Variants in PLPPR1 observed in about 807,000 individuals in gnomAD.
PLPPR1 encodes the protein phospholipid phosphatase related 1, also known as phospholipid phosphatase-related protein type 1.
Under a neutral mutation model 33.1 loss-of-function variants are expected in PLPPR1, and 10 were observed. The ratio of observed to expected loss-of-function variants is 0.30; its 90% CI spans 0.19 to 0.51. The LOEUF (loss-of-function observed/expected upper bound fraction) is 0.51. Among genes scored for constraint, PLPPR1 ranks in the 20% least tolerant of loss-of-function variants. The pLI, the probability that PLPPR1 is intolerant of heterozygous loss-of-function variation, is 0.97. For missense variants in PLPPR1, 304 were observed against 408.1 expected, an observed-to-expected ratio of 0.74 and a Z score of 2.20; for synonymous variants, 151 against 151.0, an observed-to-expected ratio of 1.00 and a Z score of 0.00.
intron 1 of PLPPR1, among the ~76,000 whole-genome samples, chr9:101,153,084 G>A (rs1831615927): frequency 6.6e-6 from 1 of 152,134 alleles, no homozygotes; most frequent in African/African-American, 2.4e-5. Flanking sequence ...TTGAGCAGTG[G>A]TTTGTAGTTC....
intron 2 of PLPPR1, among the ~76,000 whole-genome samples, chr9:101,216,898 A>C (rs1435987903): frequency 6.6e-6 from 1 of 152,222 alleles, no homozygotes; most frequent in East Asian, 1.9e-4. Context: ...CCACTGAGCT[A>C]AAGAACAAAA....
At chr9:101,262,417 A>T (rs1395536157) in intron 2 of PLPPR1, among the ~76,000 whole-genome samples, 2 of 152,144 alleles carry the variant, frequency 1.3e-5, no homozygotes, top group South Asian at 2.1e-4. Flanking sequence ...TCTATTTCAG[A>T]GTCTTGTTTT....
At chr9:101,259,465 C>A (rs1057296855) in intron 2 of PLPPR1, among the ~76,000 whole-genome samples, 3 of 152,108 alleles carry the variant, frequency 2.0e-5, no homozygotes, top group Non-Finnish European at 2.9e-5. Flanking sequence ...CATAAACAAC[C>A]ATATAGCTTG....
chr9:101,303,611 A>G (rs529515857), intron 4 of PLPPR1, among the ~76,000 whole-genome samples: 1 of 152,210 alleles, frequency 6.6e-6, no homozygotes, highest in East Asian at 1.9e-4. Flanking sequence ...ACAATTTTTG[A>G]TAAGAGATTG....
At chr9:101,185,825 T>C (rs1826193958) in intron 2 of PLPPR1, among the ~76,000 whole-genome samples, 1 of 151,866 alleles carries the variant, frequency 6.6e-6, no homozygotes, top group Non-Finnish European at 1.5e-5. Context: ...TGTGTTTTAT[T>C]ATATTTCTTC....
intron 2 of PLPPR1, among the ~76,000 whole-genome samples, chr9:101,253,352 A>T (rs772282086): frequency 2.0e-5 from 3 of 152,052 alleles, no homozygotes; most frequent in Non-Finnish European, 4.4e-5. Flanking sequence ...GTTCAAGACC[A>T]ACCTGGCCAA....
intron 1 of PLPPR1, among the ~76,000 whole-genome samples, chr9:101,086,843 C>G (rs182725011): frequency 5.1e-4 from 78 of 152,182 alleles, no homozygotes; most frequent in African/African-American, 1.9e-3. Flanking sequence ...GATGACTAAT[C>G]TAAATATTAT....
At chr9:101,255,978 G>T (rs555086887) in intron 2 of PLPPR1, among the ~76,000 whole-genome samples, 2 of 152,238 alleles carry the variant, frequency 1.3e-5, no homozygotes, top group Middle Eastern at 6.8e-3. Flanking sequence ...TGAGAAAGTT[G>T]TCCAAAGATA....
intron 1 of PLPPR1, among the ~76,000 whole-genome samples, chr9:101,116,141 C>T (rs1217816749): frequency 6.6e-6 from 1 of 152,118 alleles, no homozygotes; most frequent in East Asian, 1.9e-4. Flanking sequence ...GAGAGGCAGG[C>T]AACCAGGAAA....
At chr9:101,153,606 G>A (rs1272511085) in intron 1 of PLPPR1, among the ~76,000 whole-genome samples, 1 of 152,158 alleles carries the variant, frequency 6.6e-6, no homozygotes, top group South Asian at 2.1e-4. Flanking sequence ...ACAGAGTCTC[G>A]CTCTGTTTCC....
At chr9:101,065,420 T>C (rs1302214758) in intron 1 of PLPPR1, among the ~76,000 whole-genome samples, 2 of 152,136 alleles carry the variant, frequency 1.3e-5, no homozygotes, top group Admixed American at 1.3e-4. Context: ...CTGGCACATT[T>C]GTGGAAAACA....
intron 1 of PLPPR1, among the ~76,000 whole-genome samples, chr9:101,127,214 C>G (rs543886367): frequency 1.6e-4 from 24 of 152,350 alleles, no homozygotes; most frequent in African/African-American, 5.8e-4. Context: ...GTGTCCTCTG[C>G]TTTCATACGC....
chr9:101,198,135 T>C (rs1188422028), intron 2 of PLPPR1, among the ~76,000 whole-genome samples: 1 of 152,230 alleles, frequency 6.6e-6, no homozygotes, highest in African/African-American at 2.4e-5. Context: ...CTTAGTACTA[T>C]ATTTTCTACA....
chr9:101,183,908 C>G (rs1281878232), intron 1 of PLPPR1, among the ~76,000 whole-genome samples: 1 of 151,670 alleles, frequency 6.6e-6, no homozygotes, highest in Non-Finnish European at 1.5e-5. Flanking sequence ...GTGCCTCTGC[C>G]TTCTTGAACA....
intron 2 of PLPPR1, among the ~76,000 whole-genome samples, chr9:101,225,621 C>T (rs116008094): frequency 0.011 from 1,665 of 152,198 alleles, 30 homozygotes; most frequent in African/African-American, 0.037. Context: ...GAAAGAAGGA[C>T]CCAAAGCAGT....
At chr9:101,083,727 T>C (rs1830647229) in intron 1 of PLPPR1, among the ~76,000 whole-genome samples, 1 of 152,248 alleles carries the variant, frequency 6.6e-6, no homozygotes, top group South Asian at 2.1e-4. Context: ...GAAGGCTTGA[T>C]TGAGGAATGC....
At chr9:101,035,714 T>G (rs552969200) in intron 1 of PLPPR1, among the ~76,000 whole-genome samples, 14 of 152,214 alleles carry the variant, frequency 9.2e-5, no homozygotes, top group Non-Finnish European at 1.9e-4. Flanking sequence ...AATCAATTAC[T>G]GAACCAACTT....
At chr9:101,167,835 A>G (rs930741987) in intron 1 of PLPPR1, among the ~76,000 whole-genome samples, 2 of 152,186 alleles carry the variant, frequency 1.3e-5, no homozygotes, top group African/African-American at 2.4e-5. Flanking sequence ...CTGTTCTCAC[A>G]CTGCTGATAA....
At chr9:101,096,443 A>G (rs1830818832) in intron 1 of PLPPR1, among the ~76,000 whole-genome samples, 1 of 152,206 alleles carries the variant, frequency 6.6e-6, no homozygotes, top group Non-Finnish European at 1.5e-5. Context: ...AGTGATCTGA[A>G]TAGGCATATA....
Sources: gnomAD v4.1 joint callset for allele counts (sites outside exome capture counted in the v4.1 genomes callset) on GRCh38, gnomAD v4.1.1 for gene constraint, MANE v1.5 for transcripts, NCBI Gene and HGNC (gene_info 2026-07-23, HGNC 2026-07-21) for gene names.